Variants in PLGRKT observed in about 807,000 individuals in gnomAD.
PLGRKT encodes plasminogen receptor with a C-terminal lysine.
A neutral mutation model predicts 18.5 loss-of-function variants in PLGRKT; 22 were observed. That is an observed-to-expected ratio of 1.19 (90% CI 0.85 to 1.70). The LOEUF is 1.70. Among genes scored for constraint, PLGRKT ranks in the 40% most tolerant of loss-of-function variants. The pLI, the probability that PLGRKT is intolerant of heterozygous loss-of-function variation, is 0.00. For synonymous variants in PLGRKT, 72 were observed against 52.8 expected (o/e 1.36, Z -1.58); for missense variants, 235 against 174.4 (o/e 1.35, Z -1.96).
Position 5,392,109 on chromosome 9 carries a change from T to C in PLGRKT, c.82-30221A>G, listed in dbSNP as rs913431731. Among the ~76,000 whole-genome samples the C allele has an allele frequency of 5.9e-5, 9 of 151,910 alleles. No homozygotes were observed. In the South Asian group the frequency reaches 1.0e-3, roughly 18 times the overall value. On this transcript the variant is annotated intron_variant, in intron 3 of 5. Coordinates refer to ENST00000223864, the MANE Select transcript of PLGRKT (RefSeq NM_018465.4). Reference sequence around the variant, plus strand: ...AGCATGCTGAACACACTGGGACAAATTGAGTTTTCTGTGCCTTTGGGTTTT... The same window carrying C: ...AGCATGCTGAACACACTGGGACAAACTGAGTTTTCTGTGCCTTTGGGTTTT...
At chr9:5,391,008 C>A (rs1384952925) in intron 3 of PLGRKT, among the ~76,000 whole-genome samples, 1 of 151,730 alleles carries the variant, frequency 6.6e-6, no homozygotes, top group East Asian at 1.9e-4. Flanking sequence ...GTCTCTCCAC[C>A]CTAAATATCA....
At chr9:5,423,298 A>C (rs1421620836) in intron 3 of PLGRKT, among the ~76,000 whole-genome samples, 2 of 152,240 alleles carry the variant, frequency 1.3e-5, no homozygotes, top group Non-Finnish European at 2.9e-5. Context: ...TAGACACTCC[A>C]TAAAGTGTAC....
Position 5,360,455 on chromosome 9 carries a change from A to C in PLGRKT, c.322+623T>G, listed in dbSNP as rs190118850. The stretch of plus-strand genomic sequence containing the variant: ...AATGAATGAGCATGGATGTGTCCCA[A>C]TAAAACTTTATTTTGGAAAACAGGT... On this transcript the variant is annotated intron_variant, in intron 5 of 5. Transcript: ENST00000223864. Among the ~76,000 whole-genome samples the C allele has an allele frequency of 5.8e-4, 89 of 152,338 alleles. 5 individuals are homozygous for C. In the East Asian group the frequency reaches 0.01, roughly 17 times the overall value.
Position 5,391,205 on chromosome 9 carries a change from G to C in PLGRKT, c.82-29317C>G, listed in dbSNP as rs138424557. On this transcript the variant is annotated intron_variant, in intron 3 of 5. Transcript: ENST00000223864. The stretch of plus-strand genomic sequence containing the variant: ...TCACTGATTTGAGGCAACTTTATAT[G>C]ATGCGATATGGTTTTGATTTGTGCT... Among the ~76,000 whole-genome samples, 137 of 152,070 alleles carry C rather than the reference G, an allele frequency of 9.0e-4. 3 individuals carry two copies. The highest frequency in any genetic ancestry group is 2.7e-3 in the African/African-American group (111 of 41,338).
intron 3 of PLGRKT, among the ~76,000 whole-genome samples, chr9:5,397,475 C>G (rs1055924655): frequency 2.6e-5 from 4 of 151,542 alleles, no homozygotes; most frequent in Non-Finnish European, 4.4e-5. Context: ...AATTCTGTAT[C>G]CCAATCACCT....
intron 3 of PLGRKT, among the ~76,000 whole-genome samples, chr9:5,389,058 T>C (rs1817897235): frequency 6.6e-6 from 1 of 151,874 alleles, no homozygotes; most frequent in Non-Finnish European, 1.5e-5. Context: ...TAAGAGGGTA[T>C]TAGAGAGGAC....
intron 3 of PLGRKT, among the ~76,000 whole-genome samples, chr9:5,365,134 T>C (rs967807612): frequency 2.0e-5 from 3 of 151,496 alleles, no homozygotes; most frequent in Non-Finnish European, 2.9e-5. Context: ...AATAAATAAA[T>C]AAACCAGGGC....
chr9:5,370,794 T>A (rs949037028), intron 3 of PLGRKT, among the ~76,000 whole-genome samples: 3 of 152,210 alleles, frequency 2.0e-5, no homozygotes, highest in Admixed American at 2.0e-4. Context: ...TAAACTAACA[T>A]TGTTAAAACA....
chr9:5,408,068 T>A (rs1214661961), intron 3 of PLGRKT, among the ~76,000 whole-genome samples: 1 of 152,152 alleles, frequency 6.6e-6, no homozygotes, highest in East Asian at 1.9e-4. Flanking sequence ...GAATAACTGG[T>A]CTAAATTTGG....
At chr9:5,390,956 G>T (rs1056493902) in intron 3 of PLGRKT, among the ~76,000 whole-genome samples, 1 of 151,838 alleles carries the variant, frequency 6.6e-6, no homozygotes, top group Non-Finnish European at 1.5e-5. Flanking sequence ...TTAGTGGTTG[G>T]TTTTGGGTTT....
At chr9:5,369,971 G>C (rs1430144189) in intron 3 of PLGRKT, among the ~76,000 whole-genome samples, 1 of 152,046 alleles carries the variant, frequency 6.6e-6, no homozygotes, top group Admixed American at 6.5e-5. Flanking sequence ...GATAGCGTTA[G>C]GAGAAATACC....
chr9:5,374,349 T>G (rs1213767564), intron 3 of PLGRKT, among the ~76,000 whole-genome samples: 2 of 152,214 alleles, frequency 1.3e-5, no homozygotes, highest in African/African-American at 4.8e-5. Context: ...ACTGCCAGAT[T>G]CCTCTCTCAA....
At chr9:5,395,383 C>T (rs939602410) in intron 3 of PLGRKT, among the ~76,000 whole-genome samples, 1 of 151,898 alleles carries the variant, frequency 6.6e-6, no homozygotes, top group African/African-American at 2.4e-5. Flanking sequence ...GTCAAGCAAG[C>T]AACTCAGTGA....
chr9:5,396,366 A>T (rs1286297946), intron 3 of PLGRKT, among the ~76,000 whole-genome samples: 7 of 149,938 alleles, frequency 4.7e-5, no homozygotes, highest in Non-Finnish European at 8.9e-5. Flanking sequence ...GCTCACTGCA[A>T]CCTCAACCTC....
chr9:5,412,957 T>C (rs1047743802), intron 3 of PLGRKT, among the ~76,000 whole-genome samples: 2 of 151,904 alleles, frequency 1.3e-5, no homozygotes, highest in Non-Finnish European at 2.9e-5. Context: ...AAAAACAAGA[T>C]ATATAAATGG....
chr9:5,405,145 A>G (rs1818231178), intron 3 of PLGRKT, among the ~76,000 whole-genome samples: 1 of 152,194 alleles, frequency 6.6e-6, no homozygotes, highest in Admixed American at 6.5e-5. Context: ...AAGCAGATGG[A>G]TAGGAAGAAT....
At chr9:5,389,357 C>A (rs1046610310) in intron 3 of PLGRKT, among the ~76,000 whole-genome samples, 1 of 151,854 alleles carries the variant, frequency 6.6e-6, no homozygotes, top group Non-Finnish European at 1.5e-5. Context: ...TTGTTCATCA[C>A]AAGTCACAGC....
chr9:5,388,358 G>T (rs997697815), intron 3 of PLGRKT, among the ~76,000 whole-genome samples: 1 of 151,942 alleles, frequency 6.6e-6, no homozygotes, highest in Admixed American at 6.5e-5. Flanking sequence ...GATGAGCACT[G>T]AGATATCGCA....
At chr9:5,365,277 G>C (rs188559260) in intron 3 of PLGRKT, among the ~76,000 whole-genome samples, 23 of 152,290 alleles carry the variant, frequency 1.5e-4, no homozygotes, top group Non-Finnish European at 1.5e-5. Context: ...AAGGGACACA[G>C]GGGTCAATCT....
Sources: allele counts gnomAD v4.1 joint callset (sites outside exome capture counted in the v4.1 genomes callset), GRCh38; gene constraint gnomAD v4.1.1; transcripts MANE v1.5; gene names NCBI Gene and HGNC (gene_info 2026-07-23, HGNC 2026-07-21).